ACER3: variants seen among roughly 807,000 people sequenced by gnomAD.
ACER3 encodes the protein alkaline ceramidase 3.
A neutral mutation model predicts 48.9 loss-of-function variants in ACER3; 16 were observed. The observed-to-expected ratio is 0.33, with a 90% CI of 0.22 to 0.50. ACER3 has a LOEUF of 0.50. Among genes scored for constraint, ACER3 ranks in the 20% least tolerant of loss-of-function variants. The pLI is 0.98. For synonymous variants in ACER3, 109 were observed against 107.8 expected, an observed-to-expected ratio of 1.01 and a Z score of -0.07; for missense variants, 227 against 326.0, an observed-to-expected ratio of 0.70 and a Z score of 2.34.
intron 1 of ACER3, among the ~76,000 whole-genome samples, chr11:76,890,475 C>A (rs1945778024): frequency 6.6e-6 from 1 of 152,100 alleles, no homozygotes; most frequent in African/African-American, 2.4e-5. Flanking sequence ...GCCTGTTTTT[C>A]ATTATAAAGT....
At chr11:76,888,613 T>C (rs1945732383) in intron 1 of ACER3, among the ~76,000 whole-genome samples, 1 of 152,216 alleles carries the variant, frequency 6.6e-6, no homozygotes, top group Non-Finnish European at 1.5e-5. Context: ...TCTTGTTGGC[T>C]TTTGGATGGA....
rs782521120 is a variant in ACER3 at position 77,020,290 on chromosome 11, G to C, written c.767G>C (p.Trp256Ser). The C allele has an allele frequency of 6.2e-7, 1 of 1,613,546 alleles. No individual in the cohort carries two copies. The highest frequency in any genetic ancestry group is 1.3e-5 in the African/African-American group (1 of 74,858). The change falls in exon 11 of 11, where the codon TGG becomes TCG. Residue 256 changes from tryptophan (W) to serine (S), a missense_variant. Trp to Ser is a radical substitution (Grantham distance 177). Coordinates refer to ENST00000532485, the MANE Select transcript of ACER3 (RefSeq NM_018367.7). ...RPKVKFLFGI[W>S]PVILFEPLRK... ...CCCAAACAGTTTCTCTTTGGAATCTGGCCAGTGATCCTGTTTGAGCCTCTC... is the reference window on the plus strand; with the variant it reads ...CCCAAACAGTTTCTCTTTGGAATCTCGCCAGTGATCCTGTTTGAGCCTCTC...
intron 1 of ACER3, among the ~76,000 whole-genome samples, chr11:76,903,607 T>C (rs1340477478): frequency 6.6e-6 from 1 of 152,048 alleles, no homozygotes; most frequent in Non-Finnish European, 1.5e-5. Context: ...CTGACCAGTG[T>C]CAGCATTAAA....
chr11:76,964,313 G>A (rs111299936), intron 3 of ACER3, among the ~76,000 whole-genome samples: 17,276 of 151,252 alleles, frequency 0.11, 3,931 homozygotes, highest in African/African-American at 0.4. Flanking sequence ...CAAAGCGGCC[G>A]GGAAGCTCGA....
intron 5 of ACER3, among the ~76,000 whole-genome samples, chr11:76,988,837 G>A (rs1201580212): frequency 2.6e-5 from 4 of 152,176 alleles, no homozygotes; most frequent in Non-Finnish European, 5.9e-5. Flanking sequence ...TAGACAATTG[G>A]TGGGAGAGAC....
Position 76,944,370 on chromosome 11 carries a change from T to G in ACER3, c.215-14609T>G, listed in dbSNP as rs551085530. Among the ~76,000 whole-genome samples, 3 of 152,322 alleles carry G rather than the reference T, an allele frequency of 2.0e-5. No homozygotes were observed. In the East Asian group the frequency reaches 5.8e-4, roughly 29 times the overall value. ...CTTTCGTTTCCATGTTTTAGACTCC[T>G]TTGAGTATTTCCTGAAGGACCAGTC... is the stretch of plus-strand genomic sequence containing the variant. On this transcript the variant is annotated intron_variant, in intron 2 of 10. Transcript: ENST00000532485.
chr11:76,893,183 C>T (rs1208790928), intron 1 of ACER3, among the ~76,000 whole-genome samples: 3 of 152,088 alleles, frequency 2.0e-5, no homozygotes, highest in Non-Finnish European at 4.4e-5. Flanking sequence ...ATCCCACGCT[C>T]ATGAATCAGA....
At chr11:77,014,513 A>G (rs1199968120) in intron 7 of ACER3, among the ~76,000 whole-genome samples, 4 of 152,156 alleles carry the variant, frequency 2.6e-5, no homozygotes, top group African/African-American at 7.2e-5. Flanking sequence ...GTGTGTGTGT[A>G]TGTGTAACTA....
intron 1 of ACER3, among the ~76,000 whole-genome samples, chr11:76,911,445 C>T (rs1287594314): frequency 2.0e-5 from 3 of 152,046 alleles, no homozygotes; most frequent in African/African-American, 7.2e-5. Context: ...CTTTTTTTGC[C>T]ATCTTGGTTT....
rs78476665 is a variant in ACER3 at position 77,024,650 on chromosome 11, G to A, written c.*4323G>A. 8,469 of 152,232 alleles carry A rather than the reference G, an allele frequency of 0.056. 814 individuals are homozygous for A. Among genetic ancestry groups the A allele is most frequent in the African/African-American group, 0.19 (8,053 of 41,496 alleles). The allele number at this position is 152,232 out of a possible 1,614,324, so 9.4% of individuals were successfully genotyped here. ...GACAGATCATTCAAGAACTTAAGTC[G>A]TTTGTTAGCTACAGCATTTCCATTG... On this transcript the variant is annotated 3_prime_UTR_variant, in exon 11 of 11. Transcript: ENST00000532485.
At chr11:76,883,659 G>A (rs1381577791) in intron 1 of ACER3, among the ~76,000 whole-genome samples, 1 of 152,030 alleles carries the variant, frequency 6.6e-6, no homozygotes, top group African/African-American at 2.4e-5. Flanking sequence ...TGGCCAGGCT[G>A]ATCTCGAATT....
At chr11:76,942,614 A>G (rs1231332944) in intron 2 of ACER3, among the ~76,000 whole-genome samples, 3 of 151,910 alleles carry the variant, frequency 2.0e-5, no homozygotes, top group East Asian at 1.9e-4. Flanking sequence ...TTTTATGTCT[A>G]TGTTCATCAG....
chr11:76,992,134 C>T (rs949415391), intron 6 of ACER3, among the ~76,000 whole-genome samples: 2 of 136,424 alleles, frequency 1.5e-5, no homozygotes, highest in Admixed American at 1.4e-4. Flanking sequence ...ATCCCTTGAG[C>T]CCAGGAGGAT....
chr11:77,011,831 TATCAAG>T, intron 7 of ACER3, among the ~76,000 whole-genome samples: 1 of 152,270 alleles, frequency 6.6e-6, no homozygotes, highest in East Asian at 1.9e-4. Context: ...AATTACATGA[TATCAAG>T]ATTTAGACTA....
In ACER3 at chr11:76,937,390, T is replaced by A. The variant is rs114259886; in HGVS notation, c.214+10723T>A. On this transcript the variant is annotated intron_variant, in intron 2 of 10. Transcript: ENST00000532485. ...AAGAATTTACTGTGAAGATATGCCA[T>A]CAACAGTTCAAAATTAAATGTACAC... is the stretch of plus-strand genomic sequence containing the variant. Among the ~76,000 whole-genome samples the A allele has an allele frequency of 2.6e-3, 401 of 152,358 alleles. 2 individuals carry two copies. Among genetic ancestry groups the A allele is most frequent in the African/African-American group, 9.2e-3 (381 of 41,598 alleles).
chr11:76,943,749 A>T, intron 2 of ACER3, among the ~76,000 whole-genome samples: 2 of 146,906 alleles, frequency 1.4e-5, no homozygotes, highest in Admixed American at 7.1e-5. Flanking sequence ...TGTGTTGAAG[A>T]CCCCCCCCCC....
intron 1 of ACER3, among the ~76,000 whole-genome samples, chr11:76,924,571 T>A (rs1034342050): frequency 2.6e-5 from 4 of 151,708 alleles, no homozygotes; most frequent in Admixed American, 2.0e-4. Context: ...ACAGTCCTAT[T>A]TCTGGATCTG....
chr11:76,967,549 A>G (rs1252856414), intron 3 of ACER3, among the ~76,000 whole-genome samples: 1 of 152,224 alleles, frequency 6.6e-6, no homozygotes, highest in African/African-American at 2.4e-5. Context: ...TCAATAAAAT[A>G]CTGGCAAACC....
intron 2 of ACER3, among the ~76,000 whole-genome samples, chr11:76,948,211 C>CTG (rs57302394): frequency 0.028 from 3,856 of 135,494 alleles, 88 homozygotes; most frequent in East Asian, 0.11. Flanking sequence ...CTGGCTCACT[C>CTG]TGTGTGTGTG....
Sources: gnomAD v4.1 joint callset for allele counts (sites outside exome capture counted in the v4.1 genomes callset) on GRCh38, gnomAD v4.1.1 for gene constraint, MANE v1.5 for transcripts, NCBI Gene and HGNC (gene_info 2026-07-23, HGNC 2026-07-21) for gene names.